Variants in MACROD2 observed in about 807,000 individuals in gnomAD.
MACROD2 encodes the protein ADP-ribose glycohydrolase MACROD2.
In MACROD2, 36 loss-of-function variants were observed where a neutral mutation model predicts 70.4. The ratio of observed to expected loss-of-function variants is 0.51; its 90% CI spans 0.39 to 0.68. MACROD2 has a LOEUF of 0.68. Among genes scored for constraint, MACROD2 ranks in the 30% least tolerant of loss-of-function variants. The pLI is 0.00. For synonymous variants in MACROD2, 172 were observed against 178.8 expected, an observed-to-expected ratio of 0.96 and a Z score of 0.30; for missense variants, 496 against 538.4, an observed-to-expected ratio of 0.92 and a Z score of 0.78.
chr20:15,287,471 A>G (rs2077502201), intron 6 of MACROD2, among the ~76,000 whole-genome samples: 1 of 152,244 alleles, frequency 6.6e-6, no homozygotes, highest in African/African-American at 2.4e-5. Flanking sequence ...TGAAATGACG[A>G]GGGAGAACCA....
intron 7 of MACROD2, among the ~76,000 whole-genome samples, chr20:15,480,334 C>A (rs889003977): frequency 6.6e-6 from 1 of 152,170 alleles, no homozygotes; most frequent in Admixed American, 6.5e-5. Flanking sequence ...GGGGTCTGTG[C>A]CTCATAACCA....
chr20:15,176,756 G>T (rs573413358), intron 5 of MACROD2, among the ~76,000 whole-genome samples: 1 of 152,190 alleles, frequency 6.6e-6, no homozygotes, highest in East Asian at 1.9e-4. Flanking sequence ...TAACAAACAG[G>T]GCTGAAACAT....
At chr20:14,846,266 C>A (rs1453505019) in intron 5 of MACROD2, among the ~76,000 whole-genome samples, 2 of 151,950 alleles carry the variant, frequency 1.3e-5, no homozygotes, top group Non-Finnish European at 1.5e-5. Context: ...CACACTGTCA[C>A]CTGGGCTGGA....
At chr20:15,012,290 G>T (rs1316648444) in intron 5 of MACROD2, among the ~76,000 whole-genome samples, 1 of 152,106 alleles carries the variant, frequency 6.6e-6, no homozygotes, top group African/African-American at 2.4e-5. Context: ...CATCAAATCA[G>T]CCAGATTTCT....
chr20:14,246,727 G>T (rs1027685480), intron 3 of MACROD2, among the ~76,000 whole-genome samples: 5 of 152,204 alleles, frequency 3.3e-5, no homozygotes, highest in African/African-American at 7.2e-5. Flanking sequence ...AATTTTTGTA[G>T]CATTCAGACC....
intron 5 of MACROD2, among the ~76,000 whole-genome samples, chr20:14,978,111 G>A (rs1348045501): frequency 6.6e-6 from 1 of 152,064 alleles, no homozygotes; most frequent in Non-Finnish European, 1.5e-5. Flanking sequence ...CCTAGAACCC[G>A]GTGGTCTTGA....
chr20:14,935,856 A>G (rs2074336248), intron 5 of MACROD2, among the ~76,000 whole-genome samples: 1 of 152,140 alleles, frequency 6.6e-6, no homozygotes, highest in Non-Finnish European at 1.5e-5. Flanking sequence ...TACTATTTGT[A>G]TTTTCTCTGT....
intron 3 of MACROD2, among the ~76,000 whole-genome samples, chr20:14,485,916 A>ATGGAAAC (rs2084724016): frequency 1.3e-5 from 2 of 152,118 alleles, no homozygotes; most frequent in Admixed American, 1.3e-4. Context: ...CATTCTTCAA[A>ATGGAAAC]TGGAAACAGA....
chr20:14,308,450 AG>A (rs2082538622), intron 3 of MACROD2, among the ~76,000 whole-genome samples: 1 of 152,048 alleles, frequency 6.6e-6, no homozygotes, highest in African/African-American at 2.4e-5. Flanking sequence ...CCTTTCTGTG[AG>A]GGTGTTATTA....
At position 15,986,820 on chromosome 20, in the gene MACROD2, AT is replaced by A. The variant is rs780124295; in HGVS notation, c.1060+21del. Reference sequence around the variant, plus strand: ...ACAGAAGGTACTGAAACCAAAATATATTGTTATCAGAGAATGAGATGAAACT... The same window carrying A: ...ACAGAAGGTACTGAAACCAAAATATATGTTATCAGAGAATGAGATGAAACT... On this transcript the variant is annotated intron_variant, in intron 14 of 17. Coordinates refer to ENST00000684519, the MANE Select transcript of MACROD2 (RefSeq NM_001351661.2). 6.4e-6 allele frequency: 10 copies of A among 1,567,972 alleles called. No homozygotes were observed. Among genetic ancestry groups the A allele is most frequent in the Non-Finnish European group, 8.8e-6 (10 of 1,139,156 alleles).
At chr20:14,558,238 G>A (rs2123283086) in intron 4 of MACROD2, among the ~76,000 whole-genome samples, 1 of 151,870 alleles carries the variant, frequency 6.6e-6, no homozygotes, top group African/African-American at 2.4e-5. Flanking sequence ...GAGTTTCTTT[G>A]GCGGATGAAG....
At chr20:15,725,887 C>T (rs55938705) in intron 8 of MACROD2, among the ~76,000 whole-genome samples, 1,524 of 151,490 alleles carry the variant, frequency 0.01, 26 homozygotes, top group African/African-American at 0.035. Context: ...GGAACATCTG[C>T]GGGTTTGTTA....
At chr20:14,983,905 T>C (rs2074825101) in intron 5 of MACROD2, among the ~76,000 whole-genome samples, 1 of 152,170 alleles carries the variant, frequency 6.6e-6, no homozygotes, top group Non-Finnish European at 1.5e-5. Flanking sequence ...AAATATGACT[T>C]TTGAAATGTA....
intron 4 of MACROD2, among the ~76,000 whole-genome samples, chr20:14,680,797 A>G (rs898428191): frequency 4.6e-5 from 7 of 152,192 alleles, no homozygotes; most frequent in Non-Finnish European, 7.4e-5. Context: ...TTACATGACT[A>G]GATAAAATAG....
At chr20:15,731,700 C>T (rs139369692) in intron 8 of MACROD2, among the ~76,000 whole-genome samples, 1,413 of 58,166 alleles carry the variant, frequency 0.024, 572 homozygotes, top group African/African-American at 0.064. Context: ...GGTGCACATG[C>T]GTCGCCTGGG....
chr20:14,733,181 T>C (rs1371283354), intron 5 of MACROD2, among the ~76,000 whole-genome samples: 1 of 152,204 alleles, frequency 6.6e-6, no homozygotes. Context: ...CTTCTTGCAA[T>C]GGACTTTGGA....
chr20:14,408,758 G>A (rs149859925), intron 3 of MACROD2, among the ~76,000 whole-genome samples: 46 of 152,246 alleles, frequency 3.0e-4, no homozygotes, highest in Non-Finnish European at 4.6e-4. Context: ...GTGTGGAATC[G>A]TTTTATAGGC....
chr20:15,812,167 C>G (rs1422283617), intron 8 of MACROD2, among the ~76,000 whole-genome samples: 1 of 152,152 alleles, frequency 6.6e-6, no homozygotes, highest in African/African-American at 2.4e-5. Flanking sequence ...AAATCAGGGC[C>G]GTCCCCCACC....
At chr20:14,741,744 ATT>A (rs375407124) in intron 5 of MACROD2, among the ~76,000 whole-genome samples, 36 of 152,188 alleles carry the variant, frequency 2.4e-4, no homozygotes, top group African/African-American at 8.4e-4. Context: ...GCAAAGAAAT[ATT>A]TTCTTTTTAA....
Sources: allele counts gnomAD v4.1 joint callset (sites outside exome capture counted in the v4.1 genomes callset), GRCh38; gene constraint gnomAD v4.1.1; transcripts MANE v1.5; gene names NCBI Gene and HGNC (gene_info 2026-07-23, HGNC 2026-07-21).